The following XPOT variants were observed in gnomAD, a reference collection of about 807,000 sequenced individuals.
XPOT encodes exportin for tRNA, also known as exportin-T.
XPOT carries 34 observed loss-of-function variants against 128.2 expected under a neutral mutation model. The ratio of observed to expected loss-of-function variants is 0.27; its 90% confidence interval spans 0.20 to 0.35. The LOEUF (loss-of-function observed/expected upper bound fraction) is 0.35, where lower values mean the gene tolerates loss of function less well. Ranked by LOEUF, XPOT falls within the 10% of genes least tolerant of loss-of-function variation. The probability of loss-of-function intolerance (pLI) is 1.00; values close to 1 mark genes in which losing one functional copy is unlikely to be tolerated. For missense variants in XPOT, 838 were observed against 1,125.3 expected, an observed-to-expected ratio of 0.74 and a Z score of 3.65; for synonymous variants, 348 against 394.3, an observed-to-expected ratio of 0.88 and a Z score of 1.39.
At chr12:64,416,146 C>G (rs1300416169) in intron 3 of XPOT, among the ~76,000 whole-genome samples, 1 of 152,176 alleles carries the variant, frequency 6.6e-6, no homozygotes, top group Admixed American at 6.5e-5. Flanking sequence ...GACTTTTGCC[C>G]CCATCTTGTA....
intron 11 of XPOT, among the ~76,000 whole-genome samples, chr12:64,424,391 T>C (rs1212379558): frequency 3.9e-5 from 6 of 152,294 alleles, no homozygotes; most frequent in Middle Eastern, 3.4e-3. Context: ...GTACGAAATA[T>C]GTAAATGCGG....
At chr12:64,437,231 A>G (rs1463644345) in intron 22 of XPOT, among the ~76,000 whole-genome samples, 2 of 152,206 alleles carry the variant, frequency 1.3e-5, no homozygotes, top group African/African-American at 4.8e-5. Context: ...ATAAAGGTAA[A>G]TAAGGCATCC....
rs1157867801 is a variant in XPOT at position 64,419,108 on chromosome 12, C to G, written c.489+14C>G. 6.3e-7 allele frequency: 1 copy of G among 1,598,812 alleles called. No individual in the cohort carries two copies. The stretch of plus-strand genomic sequence containing the variant: ...CATACATCAGAGGCAAGTAACTAAC[C>G]ATGAATTTTTTATATTTAATGTAAG... On this transcript the variant is annotated intron_variant, in intron 6 of 24. Coordinates refer to ENST00000332707, the MANE Select transcript of XPOT (RefSeq NM_007235.6).
chr12:64,439,140 C>A, intron 22 of XPOT, 104 bp from the exon 23 acceptor site: 1 of 1,092,896 alleles, frequency 9.2e-7, no homozygotes. Context: ...TGTTCTTAAG[C>A]ACAATACTAT....
intron 22 of XPOT, among the ~76,000 whole-genome samples, chr12:64,438,624 A>G (rs976576043): frequency 4.0e-5 from 6 of 149,178 alleles, no homozygotes; most frequent in Non-Finnish European, 8.9e-5. Flanking sequence ...GGAGAGATAC[A>G]TTGATTTTTT....
At position 64,425,129 on chromosome 12, in the gene XPOT, C is replaced by G; in HGVS notation, c.1399C>G (p.His467Asp). 1 of 1,614,034 alleles carries G rather than the reference C, an allele frequency of 6.2e-7. No homozygotes were observed. The highest frequency in any genetic ancestry group is 8.5e-7 in the Non-Finnish European group (1 of 1,179,992). ...AEALPVSHGA[H>D]FSGDVSKASA... ...AGCTCTTCCAGTATCTCATGGTGCT[C>G]ACTTCTCAGGTGATGTTTCAAAAGC... Residue 467 changes from histidine (H) to aspartate (D), a missense_variant, in exon 13 of 25, where the codon CAC (histidine) becomes GAC (aspartate). By Grantham distance (81) the His-to-Asp change is moderately conservative. Around this residue, in one of 3 missense-constraint regions of XPOT, gnomAD observed 761 missense variants for 988.3 expected, o/e 0.77. Transcript: ENST00000332707.
In XPOT at chr12:64,425,213, A is replaced by G. The variant is rs778317658; in HGVS notation, c.1452+31A>G. The G allele has an allele frequency of 4.3e-6, 7 of 1,612,880 alleles. No individual in the cohort carries two copies. In the East Asian group the frequency reaches 1.6e-4, roughly 36 times the overall value. On this transcript the variant is annotated intron_variant, in intron 13 of 24. Coordinates refer to ENST00000332707, the MANE Select transcript of XPOT (RefSeq NM_007235.6). ...TATACTGGAGATAATTTTGACCATA[A>G]ATTTCTGTTTTCAGTATAAGCTAAT...
intron 1 of XPOT, among the ~76,000 whole-genome samples, chr12:64,405,615 G>C (rs77114749): frequency 1.3e-5 from 2 of 152,090 alleles, no homozygotes; most frequent in African/African-American, 2.4e-5. Context: ...AACATTTTTT[G>C]GGGTTTTGTT....
intron 23 of XPOT, among the ~76,000 whole-genome samples, chr12:64,439,599 T>A (rs1227575009): frequency 6.6e-6 from 1 of 152,198 alleles, no homozygotes; most frequent in Non-Finnish European, 1.5e-5. Context: ...ATCCCATGTA[T>A]TATGTTTTAT....
intron 23 of XPOT, among the ~76,000 whole-genome samples, chr12:64,444,739 G>GTAGT (rs1332330303): frequency 6.6e-6 from 1 of 152,118 alleles, no homozygotes; most frequent in Non-Finnish European, 1.5e-5. Context: ...CAGTGTGCAT[G>GTAGT]TAGTTAATGC....
intron 11 of XPOT, among the ~76,000 whole-genome samples, chr12:64,423,454 C>G (rs563368275): frequency 2.0e-5 from 3 of 151,956 alleles, no homozygotes; most frequent in African/African-American, 7.2e-5. Context: ...ACCACCCCCC[C>G]TCCTTTTTTT....
chr12:64,426,054 A>C, intron 15 of XPOT, 145 bp downstream of exon 15: 3 of 725,536 alleles, frequency 4.1e-6, no homozygotes, highest in Non-Finnish European at 7.0e-6. Context: ...ATGGTGGCTC[A>C]TGCCTATAAT....
chr12:64,411,777 G>A (rs958318400), intron 2 of XPOT, among the ~76,000 whole-genome samples: 4 of 152,098 alleles, frequency 2.6e-5, no homozygotes, highest in African/African-American at 4.8e-5. Flanking sequence ...TTGTCTATCT[G>A]TAATTCTCTG....
intron 3 of XPOT, 79 bp from the exon 4 acceptor site, chr12:64,416,619 T>G: frequency 8.7e-7 from 1 of 1,154,236 alleles, no homozygotes; most frequent in Non-Finnish European, 1.3e-6. Flanking sequence ...TCTGCTGTAT[T>G]ACTCATTACT....
chr12:64,445,420 G>C (rs1360229220), intron 24 of XPOT, among the ~76,000 whole-genome samples: 1 of 152,074 alleles, frequency 6.6e-6, no homozygotes, highest in East Asian at 1.9e-4. Flanking sequence ...TGAAAAGAAG[G>C]GGCTAAAAAT....
chr12:64,433,283 T>C lies in XPOT; in HGVS notation c.2263-131T>C, dbSNP rs181102837. 5 of 854,488 alleles carry C rather than the reference T, an allele frequency of 5.9e-6. No homozygotes were observed. The Admixed American group carries it at 1.5e-4, about 25-fold the overall frequency. The allele number at this position is 854,488 out of a possible 1,614,324, so 52.9% of individuals were successfully genotyped here. Reference sequence around the variant, plus strand: ...GGTTATATAGATTTTATCTTAAAATTGATATTTGCTAACTGAATTATGTAC... The same window carrying C: ...GGTTATATAGATTTTATCTTAAAATCGATATTTGCTAACTGAATTATGTAC... On this transcript the variant is annotated intron_variant, in intron 18 of 24. Coordinates refer to ENST00000332707, the MANE Select transcript of XPOT (RefSeq NM_007235.6).
Position 64,422,543 on chromosome 12 carries a change from A to T in XPOT, c.1081-462A>T, listed in dbSNP as rs147182152. Among the ~76,000 whole-genome samples, 546 of 152,296 alleles carry T rather than the reference A, an allele frequency of 3.6e-3. 4 individuals are homozygous for T. Among genetic ancestry groups the T allele is most frequent in the African/African-American group, 0.012 (518 of 41,558 alleles). ...TTGATCTTAGGTTAGGTATATTTTA[A>T]ATATAGGCAGCTGCTGCTAAACTGC... On this transcript the variant is annotated intron_variant, in intron 9 of 24. Transcript: ENST00000332707.
intron 10 of XPOT, 33 bp downstream of exon 10, chr12:64,423,076 A>G (rs1479379057): frequency 6.2e-7 from 1 of 1,610,514 alleles, no homozygotes; most frequent in African/African-American, 1.3e-5. Flanking sequence ...TAAACCAATG[A>G]TAGATTTTTA....
At chr12:64,407,541 G>C (rs1032278873) in intron 1 of XPOT, among the ~76,000 whole-genome samples, 1 of 151,888 alleles carries the variant, frequency 6.6e-6, no homozygotes, top group Non-Finnish European at 1.5e-5. Context: ...TGACAGCATA[G>C]CAGTGCTTAG....
Sources: gnomAD v4.1 joint callset for allele counts (sites outside exome capture counted in the v4.1 genomes callset) on GRCh38, gnomAD v4.1.1 for gene constraint, gnomAD v4.1.1 regional missense constraint, MANE v1.5 for transcripts, NCBI Gene and HGNC (gene_info 2026-07-23, HGNC 2026-07-21) for gene names.